The following LYST variants were observed in gnomAD, a reference collection of about 807,000 sequenced individuals.
The protein encoded by LYST is lysosomal-trafficking regulator.
LYST carries 192 observed loss-of-function variants against 413.6 expected under a neutral mutation model. That is an observed-to-expected ratio of 0.46 (90% CI 0.41 to 0.52). LYST has a LOEUF of 0.52. Ranked by LOEUF, LYST falls within the 20% of genes least tolerant of loss-of-function variation. LYST has a pLI of 0.00. For synonymous variants in LYST, 1,525 were observed against 1,567.3 expected (o/e 0.97, Z 0.64); for missense variants, 3,815 against 4,499.9 (o/e 0.85, Z 4.35).
chr1:235,806,480 G>GT lies in LYST; in HGVS notation c.2655dup (p.Arg886ThrfsTer5). ...TGAACATCTTGGTTAACAGTCTTCCGTCTCTTTGGATAAGCTTCTTTGAGG... is the reference window on the plus strand; with the variant it reads ...TGAACATCTTGGTTAACAGTCTTCCGTTCTCTTTGGATAAGCTTCTTTGAGG... On this transcript the variant is annotated frameshift_variant, in exon 6 of 53. Coordinates refer to ENST00000389793, the MANE Select transcript of LYST (RefSeq NM_000081.4). LOFTEE classifies it high-confidence loss of function. 1 of 1,614,036 alleles carries GT rather than the reference G, an allele frequency of 6.2e-7. No homozygotes were observed. Among genetic ancestry groups the GT allele is most frequent in the Non-Finnish European group, 8.5e-7 (1 of 1,179,974 alleles).
At position 235,734,580 on chromosome 1, in the gene LYST, G is replaced by T. The variant is rs753203268; in HGVS notation, c.8438C>A (p.Thr2813Lys). The T allele has an allele frequency of 6.2e-6, 10 of 1,613,222 alleles. No individual in the cohort carries two copies. In the Admixed American group the frequency reaches 1.7e-4, roughly 27 times the overall value. ...QGELTEEELG[T>K]AELLMNALKL... is the part of the protein sequence containing the mutation. ...CAAAGCATTCATAAGCAGTTCTGCTGTGCCTAGCTCTTCTTCAGTCAATTC... is the reference window on the plus strand; with the variant it reads ...CAAAGCATTCATAAGCAGTTCTGCTTTGCCTAGCTCTTCTTCAGTCAATTC... The change falls in exon 32 of 53, where the codon ACA becomes AAA. Residue 2813 changes from threonine to lysine, a missense_variant. By Grantham distance (78) the Thr-to-Lys change is moderately conservative. Around this residue, in one of 4 missense-constraint regions of LYST, gnomAD observed 771 missense variants for 837.1 expected, o/e 0.92. Coordinates refer to ENST00000389793, the MANE Select transcript of LYST (RefSeq NM_000081.4).
At position 235,824,124 on chromosome 1, in the gene LYST, C is replaced by T. The variant is rs115255552; in HGVS notation, c.192+6102G>A. Among the ~76,000 whole-genome samples the T allele has an allele frequency of 5.6e-3, 851 of 152,250 alleles. 7 individuals carry two copies. Among genetic ancestry groups the T allele is most frequent in the African/African-American group, 0.019 (785 of 41,540 alleles). The stretch of plus-strand genomic sequence containing the variant: ...AATGTAGGAAGAATAAAGTACTCTC[C>T]TACATAGAAAATAGCCAAAGATTTT... On this transcript the variant is annotated intron_variant, in intron 3 of 52. Transcript: ENST00000389793.
At chr1:235,765,776 A>C (rs927821861) in intron 21 of LYST, among the ~76,000 whole-genome samples, 8 of 152,010 alleles carry the variant, frequency 5.3e-5, no homozygotes, top group Non-Finnish European at 5.9e-5. Context: ...GTCGGATGAA[A>C]CCCTCTGTCC....
At chr1:235,882,989 T>C (rs905216102) in intron 1 of LYST, among the ~76,000 whole-genome samples, 13 of 152,076 alleles carry the variant, frequency 8.5e-5, no homozygotes, top group African/African-American at 3.1e-4. Flanking sequence ...TCCCTGCGGT[T>C]TCTCTACAGT....
chr1:235,774,034 T>C (rs1668972127), intron 18 of LYST, 43 bp from the exon 19 acceptor site: 9 of 1,366,958 alleles, frequency 6.6e-6, no homozygotes, highest in Non-Finnish European at 9.4e-6. Flanking sequence ...TAGTAATTGG[T>C]TAATCAGGAA....
In LYST at chr1:235,755,690, T is replaced by G. The variant is rs763486317; in HGVS notation, c.7060-43A>C. 4.1e-6 allele frequency: 4 copies of G among 973,298 alleles called. No homozygotes were observed. The South Asian group carries it at 5.2e-5, about 13-fold the overall frequency. 60.3% of individuals were successfully genotyped at this position (973,298 alleles called of 1,614,324 possible). On this transcript the variant is annotated intron_variant, in intron 24 of 52. Coordinates refer to ENST00000389793, the MANE Select transcript of LYST (RefSeq NM_000081.4). ...GTCAATTTAGATAATGCATTAAAATTAAATATAATATATACAAATCAGTGT... is the reference window on the plus strand; with the variant it reads ...GTCAATTTAGATAATGCATTAAAATGAAATATAATATATACAAATCAGTGT...
intron 47 of LYST, among the ~76,000 whole-genome samples, chr1:235,687,755 C>T (rs1660330369): frequency 6.6e-6 from 1 of 152,190 alleles, no homozygotes; most frequent in Admixed American, 6.5e-5. Context: ...TGGAGACCCC[C>T]AGCTGCACAC....
At chr1:235,871,416 T>A (rs1483903885), upstream of LYST, among the ~76,000 whole-genome samples, 1 of 152,126 alleles carries the variant, frequency 6.6e-6, no homozygotes, top group Non-Finnish European at 1.5e-5. Context: ...AGGGAATGAG[T>A]TAATGATGCT....
intron 3 of LYST, chr1:235,828,570 A>G (rs1244937541): frequency 1.2e-5 from 2 of 168,842 alleles, no homozygotes; most frequent in African/African-American, 4.8e-5. Flanking sequence ...ATAATGCTCC[A>G]ATTATTTGGG....
intron 31 of LYST, chr1:235,737,915 G>GAAGAGGAA: frequency 1.7e-6 from 2 of 1,160,568 alleles, no homozygotes; most frequent in South Asian, 3.9e-5. Flanking sequence ...CGCTGCCGAC[G>GAAGAGGAA]AGTCTGGATC....
At chr1:235,807,451 C>G (rs1385038228) in intron 5 of LYST, among the ~76,000 whole-genome samples, 1 of 152,074 alleles carries the variant, frequency 6.6e-6, no homozygotes, top group Admixed American at 6.6e-5. Flanking sequence ...TCAGGTTGTC[C>G]ACGAATACGC....
chr1:235,781,776 G>A, intron 15 of LYST, 151 bp downstream of exon 15: 1 of 640,144 alleles, frequency 1.6e-6, no homozygotes, highest in Admixed American at 2.5e-5. Context: ...TTAAACACAA[G>A]TAAAGGAACA....
At chr1:235,677,768 A>G (rs1452022961) in intron 48 of LYST, 149 bp from the exon 49 acceptor site, 1 of 552,994 alleles carries the variant, frequency 1.8e-6, no homozygotes, top group Non-Finnish European at 3.1e-6. Flanking sequence ...AAAGAAAGAA[A>G]TTAAAAAATT....
In LYST at chr1:235,782,180, CTTTTTTT is replaced by C; in HGVS notation, c.4863-100_4863-94del. The C allele has an allele frequency of 3.7e-6, 3 of 820,516 alleles. No homozygotes were observed. In the Admixed American group the frequency reaches 8.3e-5, roughly 23 times the overall value. The allele number at this position is 820,516 out of a possible 1,614,324, so 50.8% of individuals were successfully genotyped here. ...TATGAATATTTAACAATGGGGAATT[CTTTTTTT>C]TTTTTTTTGGAGACAGAGTCTCGCT... On this transcript the variant is annotated intron_variant, in intron 14 of 52. Coordinates refer to ENST00000389793, the MANE Select transcript of LYST (RefSeq NM_000081.4).
At chr1:235,851,579 G>A (rs7531493) in intron 1 of LYST, among the ~76,000 whole-genome samples, 9,361 of 151,400 alleles carry the variant, frequency 0.062, 957 homozygotes, top group African/African-American at 0.21. Context: ...AAAATAAAAA[G>A]GTTTATTGGC....
At chr1:235,820,281 C>T (rs549550550) in intron 3 of LYST, among the ~76,000 whole-genome samples, 38 of 152,250 alleles carry the variant, frequency 2.5e-4, no homozygotes, top group African/African-American at 8.7e-4. Flanking sequence ...CACCAGATGG[C>T]TAGGGTTCAA....
chr1:235,776,810 T>C (rs535013036), intron 17 of LYST, among the ~76,000 whole-genome samples: 2 of 152,234 alleles, frequency 1.3e-5, no homozygotes, highest in East Asian at 1.9e-4. Context: ...TTTAAAATCT[T>C]GTACATTTAA....
rs113415914 is a variant in LYST at position 235,690,887 on chromosome 1, T to C, written c.10701+2463A>G. ...CGGTTGCAGCAGCATACTGTATATTTACATGGTATTTTACAGTTTACAAGT... is the reference window on the plus strand; with the variant it reads ...CGGTTGCAGCAGCATACTGTATATTCACATGGTATTTTACAGTTTACAAGT... On this transcript the variant is annotated intron_variant, in intron 47 of 52. Coordinates refer to ENST00000389793, the MANE Select transcript of LYST (RefSeq NM_000081.4). Among the ~76,000 whole-genome samples the C allele has an allele frequency of 3.1e-3, 477 of 151,932 alleles. 2 individuals are homozygous for C. Among genetic ancestry groups the C allele is most frequent in the African/African-American group, 0.011 (445 of 41,426 alleles).
chr1:235,851,842 T>C (rs936099815), intron 1 of LYST, among the ~76,000 whole-genome samples: 3 of 152,082 alleles, frequency 2.0e-5, no homozygotes, highest in Non-Finnish European at 2.9e-5. Flanking sequence ...CACTTAAAGT[T>C]CTAAATTAAA....
Sources: allele counts gnomAD v4.1 joint callset (sites outside exome capture counted in the v4.1 genomes callset), GRCh38; gene constraint gnomAD v4.1.1; regional missense constraint gnomAD v4.1.1; transcripts MANE v1.5; gene names NCBI Gene and HGNC (gene_info 2026-07-23, HGNC 2026-07-21).